The following PLEKHS1 variants were observed in gnomAD, a reference collection of about 807,000 sequenced individuals.
PLEKHS1 encodes pleckstrin homology domain-containing family S member 1.
A neutral mutation model predicts 51.0 loss-of-function variants in PLEKHS1; 55 were observed. That is an observed-to-expected ratio of 1.08 (90% CI 0.87 to 1.35). The LOEUF (loss-of-function observed/expected upper bound fraction) is 1.35, where lower values mean the gene tolerates loss of function less well. PLEKHS1 is among the 40% of genes most tolerant of loss of function. The pLI is 0.00. For missense variants in PLEKHS1, 398 were observed against 423.0 expected, an observed-to-expected ratio of 0.94 and a Z score of 0.52; for synonymous variants, 153 against 144.8, an observed-to-expected ratio of 1.06 and a Z score of -0.41.
intron 6 of PLEKHS1, 68 bp from the exon 7 acceptor site, chr10:113,769,716 G>T: frequency 1.0e-6 from 1 of 964,906 alleles, no homozygotes. Flanking sequence ...GAGCCCGGTA[G>T]AGAGGCTGCC....
intron 2 of PLEKHS1, among the ~76,000 whole-genome samples, chr10:113,758,074 C>T (rs1008840469): frequency 4.6e-5 from 7 of 152,104 alleles, no homozygotes; most frequent in African/African-American, 9.7e-5. Flanking sequence ...TCAAAGTCAT[C>T]GAGGAGTATT....
chr10:113,768,874 C>T (rs747874052), exon 6 of PLEKHS1: 1 of 1,613,194 alleles, frequency 6.2e-7, no homozygotes, highest in Admixed American at 1.7e-5. Flanking sequence ...ATAAAAGCAA[C>T]ACAGCAGAAC....
rs1387616367 is a variant in PLEKHS1, at chr10:113,777,853, G to T, written c.1091+1987G>T. ...AAACATAATATGTGGTGCTGGGCACGGTGGCTTACACCTGTAATCCCAGCA... is the reference window on the plus strand; with the variant it reads ...AAACATAATATGTGGTGCTGGGCACTGTGGCTTACACCTGTAATCCCAGCA... On this transcript the variant is annotated intron_variant, in intron 11 of 11. Coordinates refer to ENST00000361048, the Ensembl canonical transcript of PLEKHS1. The T allele has an allele frequency of 3.3e-6, 4 of 1,225,108 alleles. No homozygotes were observed. In the Admixed American group the frequency reaches 1.2e-4, roughly 37 times the overall value. The allele number at this position is 1,225,108 out of a possible 1,614,324, so 75.9% of individuals were successfully genotyped here. A position where few individuals can be genotyped will look rare whatever the true frequency, so the allele number is the denominator to read the frequency against.
At chr10:113,769,689 A>G (rs989079832) in intron 6 of PLEKHS1, 95 bp from the exon 7 acceptor site, 25 of 776,416 alleles carry the variant, frequency 3.2e-5, no homozygotes, top group Admixed American at 1.3e-4. Flanking sequence ...TTGCTATGGG[A>G]AAAGACAGGA....
chr10:113,777,894 G>A, intron 11 of PLEKHS1: 1 of 758,540 alleles, frequency 1.3e-6, no homozygotes. Flanking sequence ...GAAGGCCAAG[G>A]CAGGAGAATC....
At chr10:113,752,776 C>T (rs1208915991) in intron 1 of PLEKHS1, among the ~76,000 whole-genome samples, 4 of 152,200 alleles carry the variant, frequency 2.6e-5, no homozygotes, top group African/African-American at 9.7e-5. Context: ...CAGCACATGA[C>T]TCTGGAGCCC....
chr10:113,753,579 G>A (rs150685478), intron 1 of PLEKHS1, among the ~76,000 whole-genome samples: 327 of 152,210 alleles, frequency 2.1e-3, no homozygotes, highest in Non-Finnish European at 3.9e-3. Context: ...TCAGATGCCC[G>A]AGAAAAGTTG....
At chr10:113,757,945 T>C (rs1345254177) in intron 2 of PLEKHS1, among the ~76,000 whole-genome samples, 2 of 152,236 alleles carry the variant, frequency 1.3e-5, no homozygotes, top group Non-Finnish European at 1.5e-5. Context: ...CTGTTGAAGT[T>C]TGATCATGAG....
exon 12 of PLEKHS1, chr10:113,780,830 C>T (rs1309573005): frequency 4.7e-6 from 7 of 1,480,040 alleles, no homozygotes; most frequent in Non-Finnish European, 6.3e-6. Context: ...TGGGACTGTC[C>T]AGCTCTGCCC....
At chr10:113,770,468 C>G (rs1844356657) in intron 7 of PLEKHS1, among the ~76,000 whole-genome samples, 1 of 152,160 alleles carries the variant, frequency 6.6e-6, no homozygotes, top group African/African-American at 2.4e-5. Flanking sequence ...TTGCAATGTT[C>G]CCAACTTGGG....
At chr10:113,761,062 T>C (rs1320693058) in intron 2 of PLEKHS1, among the ~76,000 whole-genome samples, 1 of 152,196 alleles carries the variant, frequency 6.6e-6, no homozygotes, top group Admixed American at 6.5e-5. Context: ...GAAAAGACTG[T>C]TCTCTCCCCA....
intron 11 of PLEKHS1, chr10:113,777,633 T>C: frequency 1.9e-6 from 3 of 1,538,654 alleles, no homozygotes; most frequent in Non-Finnish European, 1.8e-6. Flanking sequence ...TGTTGGATAA[T>C]TAAATGAGGT....
exon 8 of PLEKHS1, chr10:113,772,065 T>C: frequency 6.2e-7 from 1 of 1,613,258 alleles, no homozygotes; most frequent in Non-Finnish European, 8.5e-7. Flanking sequence ...ATCATTATCT[T>C]ACTCCTCGAA....
At chr10:113,751,938 G>T (rs1853860300) in intron 1 of PLEKHS1, among the ~76,000 whole-genome samples, 177 bp downstream of exon 1, 1 of 152,130 alleles carries the variant, frequency 6.6e-6, no homozygotes, top group Non-Finnish European at 1.5e-5. Context: ...GAGGGAAATA[G>T]GACTGACCTC....
At chr10:113,780,453 TC>T in intron 11 of PLEKHS1, 148 bp from the exon 13 acceptor site, 1 of 744,972 alleles carries the variant, frequency 1.3e-6, no homozygotes, top group Non-Finnish European at 2.2e-6. Flanking sequence ...AAGTAAGTCA[TC>T]CCTGTCTATT....
At chr10:113,778,084 T>A (rs1844751698) in intron 11 of PLEKHS1, 1 of 178,986 alleles carries the variant, frequency 5.6e-6, no homozygotes, top group Non-Finnish European at 1.2e-5. Flanking sequence ...TGCATATCAC[T>A]GCAGTCTTCA....
chr10:113,778,800 C>T (rs537069040), intron 11 of PLEKHS1, among the ~76,000 whole-genome samples: 87 of 152,276 alleles, frequency 5.7e-4, no homozygotes, highest in Admixed American at 1.5e-3. Context: ...CCGGCCACTA[C>T]GCCCAGCTAA....
At chr10:113,778,291 A>C (rs1393203239) in intron 11 of PLEKHS1, among the ~76,000 whole-genome samples, 1 of 152,172 alleles carries the variant, frequency 6.6e-6, no homozygotes, top group Non-Finnish European at 1.5e-5. Flanking sequence ...TCAACTGGAG[A>C]AGCTTACATT....
chr10:113,753,586 G>C (rs1323825871), intron 1 of PLEKHS1, among the ~76,000 whole-genome samples: 1 of 152,080 alleles, frequency 6.6e-6, no homozygotes, highest in African/African-American at 2.4e-5. Context: ...CCCGAGAAAA[G>C]TTGTAATTTG....
Sources: gnomAD v4.1 joint callset for allele counts (sites outside exome capture counted in the v4.1 genomes callset) on GRCh38, gnomAD v4.1.1 for gene constraint, MANE v1.5 for transcripts, NCBI Gene and HGNC (gene_info 2026-07-23, HGNC 2026-07-21) for gene names.